Variants in PLG observed in about 807,000 individuals in gnomAD.
PLG encodes plasmin.
In PLG, 41 loss-of-function variants were observed where a neutral mutation model predicts 104.4. The ratio of observed to expected loss-of-function variants is 0.39; its 90% CI spans 0.31 to 0.51. The LOEUF (loss-of-function observed/expected upper bound fraction) is 0.51, where lower values mean the gene tolerates loss of function less well. Among genes scored for constraint, PLG ranks in the 20% least tolerant of loss-of-function variants. The probability of loss-of-function intolerance (pLI) is 0.76; values close to 1 mark genes in which losing one functional copy is unlikely to be tolerated. For synonymous variants in PLG, 337 were observed against 357.1 expected, an observed-to-expected ratio of 0.94 and a Z score of 0.63; for missense variants, 891 against 1,003.6, an observed-to-expected ratio of 0.89 and a Z score of 1.52.
At chr6:160,708,985 C>T (rs1777585192) in intron 3 of PLG, among the ~76,000 whole-genome samples, 2 of 151,736 alleles carry the variant, frequency 1.3e-5, no homozygotes, top group Admixed American at 1.3e-4. Context: ...AAAAAAAACC[C>T]TGATTCTCCT....
Position 160,707,785 on chromosome 6 carries a change from G to A in PLG, c.271G>A (p.Val91Ile). ...KSSIIIRMRD[V>I]VLFEKKVYLS... Reference sequence around the variant, plus strand: ...CTCCATAATCATTAGGATGAGAGATGTAGTTTTATTTGAAAAGAAAGGTGA... The same window carrying A: ...CTCCATAATCATTAGGATGAGAGATATAGTTTTATTTGAAAAGAAAGGTGA... Residue 91 changes from valine (V) to isoleucine (I), a missense_variant, in exon 3 of 19, where the codon GTA becomes ATA. Physicochemically the swap from Val to Ile is conservative, Grantham distance 29. This residue lies in a region of PLG where 854 missense variants were observed against 932.1 expected (regional missense o/e 0.92). Transcript: ENST00000308192. The A allele has an allele frequency of 6.2e-7, 1 of 1,611,378 alleles. No homozygotes were observed. Among genetic ancestry groups the A allele is most frequent in the Non-Finnish European group, 8.5e-7 (1 of 1,179,340 alleles).
intron 5 of PLG, 149 bp from the exon 6 acceptor site, chr6:160,714,643 CAA>C: frequency 2.5e-6 from 1 of 403,596 alleles, no homozygotes; most frequent in South Asian, 2.3e-5. Flanking sequence ...TCCTTATTGC[CAA>C]TTTTATTGCC....
chr6:160,736,735 A>G lies in PLG; in HGVS notation c.1682-152A>G. ...CTGTGTTGTCTACTACCACTTTTGA[A>G]ACTTAGAGAAAATGTTCCAAAAGAT... On this transcript the variant is annotated intron_variant, in intron 13 of 18. Coordinates refer to ENST00000308192, the MANE Select transcript of PLG (RefSeq NM_000301.5). This position sits in a 1 kb window ranked among gnomAD's most constrained non-coding sequence, Gnocchi z 5.2. 1.0e-6 allele frequency: 1 copy of G among 975,460 alleles called. No individual in the cohort carries two copies. The highest frequency in any genetic ancestry group is 2.1e-5 in the Admixed American group (1 of 48,474). The allele number at this position is 975,460 out of a possible 1,614,324, so 60.4% of individuals were successfully genotyped here. A position where few individuals can be genotyped will look rare whatever the true frequency, so the allele number is the denominator to read the frequency against.
In PLG at chr6:160,711,070, C is replaced by T. The variant is rs969996045; in HGVS notation, c.293-7C>T. 6.2e-7 allele frequency: 1 copy of T among 1,613,140 alleles called. No individual in the cohort carries two copies. The highest frequency in any genetic ancestry group is 1.7e-5 in the Admixed American group (1 of 59,996). On this transcript the variant is annotated splice_polypyrimidine_tract_variant and splice_region_variant and intron_variant, in intron 3 of 18. Transcript: ENST00000308192. ...AGACTTTGACCACTGTGTGGACTTCCCTTCAGTGTATCTCTCAGAGTGCAA... is the reference window on the plus strand; with the variant it reads ...AGACTTTGACCACTGTGTGGACTTCTCTTCAGTGTATCTCTCAGAGTGCAA...
At chr6:160,733,669 A>G (rs2046998689) in intron 12 of PLG, among the ~76,000 whole-genome samples, 1 of 151,742 alleles carries the variant, frequency 6.6e-6, no homozygotes, top group Non-Finnish European at 1.5e-5. Flanking sequence ...GTGAAACCTC[A>G]TCTCTACTGA....
intron 17 of PLG, among the ~76,000 whole-genome samples, chr6:160,743,217 A>G (rs960383729): frequency 1.3e-5 from 2 of 152,142 alleles, no homozygotes; most frequent in African/African-American, 2.4e-5. Flanking sequence ...GCAGTTTGAT[A>G]GGAATAGCAA....
rs1777672536 is a variant in PLG, at chr6:160,713,072, A to G, written c.494A>G (p.Tyr165Cys). Residue 165 changes from tyrosine (Y) to cysteine (C), a missense_variant, in exon 5 of 19, where the codon TAT (tyrosine) becomes TGT (cysteine). Transcript: ENST00000308192. ...PDNDPQGPWC[Y>C]TTDPEKRYDY... ...AACGATCCGCAGGGGCCCTGGTGCT[A>G]TACTACTGATCCAGAAAAGAGATAT... 6.2e-7 allele frequency: 1 copy of G among 1,609,030 alleles called. No homozygotes were observed. Among genetic ancestry groups the G allele is most frequent in the East Asian group, 2.2e-5 (1 of 44,876 alleles).
intron 2 of PLG, among the ~76,000 whole-genome samples, 176 bp from the exon 3 acceptor site, chr6:160,707,524 T>A (rs778190341): frequency 5.7e-4 from 87 of 152,194 alleles, no homozygotes; most frequent in Non-Finnish European, 1.2e-3. Flanking sequence ...CACGTTGGTG[T>A]ATTTTGTTCA....
rs1778141968 is a variant in PLG, at chr6:160,739,142, A to G, written c.1952A>G (p.Glu651Gly). 6.2e-7 allele frequency: 1 copy of G among 1,613,992 alleles called. No homozygotes were observed. Among genetic ancestry groups the G allele is most frequent in the African/African-American group, 1.3e-5 (1 of 74,886 alleles). ...GTGAATCTCGAACCGCATGTTCAGG[A>G]AATAGAAGTGTCTAGGCTGTTCTTG... The part of the protein sequence containing the change: ...QEVNLEPHVQ[E>G]IEVSRLFLEP... Residue 651 changes from glutamate to glycine, a missense_variant, in exon 16 of 19, where the codon GAA (glutamate) becomes GGA (glycine). This residue lies in a region of PLG where 854 missense variants were observed against 932.1 expected (regional missense o/e 0.92). Transcript: ENST00000308192. This position sits in a 1 kb window ranked among gnomAD's most constrained non-coding sequence, Gnocchi z 4.4.
chr6:160,748,348 AAGAG>A (rs1248061391), intron 17 of PLG, among the ~76,000 whole-genome samples: 4 of 63,006 alleles, frequency 6.3e-5, no homozygotes, highest in Admixed American at 4.7e-4. Context: ...GAAGAAAAGA[AAGAG>A]AAAGAAAGAA....
rs561318610 is a variant in PLG at position 160,754,029 on chromosome 6, G to A, written c.*968G>A. On this transcript the variant is annotated 3_prime_UTR_variant, in exon 19 of 19. Transcript: ENST00000308192. This position sits in a 1 kb window ranked among gnomAD's most constrained non-coding sequence, Gnocchi z 4.9. ...AAACTGCAAGTGACTGTGAATAAAG[G>A]GTGAATGTAGTCTCAAATCCTCAAA... Among the ~76,000 whole-genome samples the A allele has an allele frequency of 6.6e-6, 1 of 152,300 alleles. No homozygotes were observed. Among genetic ancestry groups the A allele is most frequent in the Admixed American group, 6.5e-5 (1 of 15,308 alleles).
At chr6:160,727,269 C>T (rs1777934659) in intron 10 of PLG, among the ~76,000 whole-genome samples, 1 of 151,316 alleles carries the variant, frequency 6.6e-6, no homozygotes, top group Non-Finnish European at 1.5e-5. Flanking sequence ...CTATTAAAGA[C>T]AACATGTGTA....
chr6:160,745,901 G>C (rs1778269108), intron 17 of PLG, among the ~76,000 whole-genome samples: 1 of 152,166 alleles, frequency 6.6e-6, no homozygotes. Flanking sequence ...AGCTTAGTTT[G>C]GCTGGATATG....
chr6:160,711,057 C>T lies in PLG; in HGVS notation c.293-20C>T, dbSNP rs373041225. 1 of 1,612,384 alleles carries T rather than the reference C, an allele frequency of 6.2e-7. No individual in the cohort carries two copies. Among genetic ancestry groups the T allele is most frequent in the Non-Finnish European group, 8.5e-7 (1 of 1,178,466 alleles). Reference sequence around the variant, plus strand: ...GGTGTCTTGTGAAAGACTTTGACCACTGTGTGGACTTCCCTTCAGTGTATC... The same window carrying T: ...GGTGTCTTGTGAAAGACTTTGACCATTGTGTGGACTTCCCTTCAGTGTATC... On this transcript the variant is annotated intron_variant, in intron 3 of 18. Coordinates refer to ENST00000308192, the MANE Select transcript of PLG (RefSeq NM_000301.5).
At chr6:160,722,321 G>T in intron 9 of PLG, 87 bp from the exon 10 acceptor site, 1 of 856,076 alleles carries the variant, frequency 1.2e-6, no homozygotes, top group South Asian at 1.3e-5. Context: ...ATTCTCAGAG[G>T]CTACCGTACT....
At position 160,716,771 on chromosome 6, in the gene PLG, T is replaced by C; in HGVS notation, c.787+8T>C. The C allele has an allele frequency of 1.2e-5, 17 of 1,475,268 alleles. No individual in the cohort carries two copies. Among genetic ancestry groups the C allele is most frequent in the Non-Finnish European group, 1.6e-5 (17 of 1,053,436 alleles). The allele number at this position is 1,475,268 out of a possible 1,614,324, so 91.4% of individuals were successfully genotyped here. On this transcript the variant is annotated splice_region_variant and intron_variant, in intron 7 of 18. Transcript: ENST00000308192. Reference sequence around the variant, plus strand: ...GTGACATCCCCCGCTGCAGTGAGTATGATGCACACCCAGATTCCAGGATTT... The same window carrying C: ...GTGACATCCCCCGCTGCAGTGAGTACGATGCACACCCAGATTCCAGGATTT...
rs1778148247 is a variant in PLG at position 160,739,408 on chromosome 6, C to T, written c.2018+200C>T. On this transcript the variant is annotated intron_variant, in intron 16 of 18. Coordinates refer to ENST00000308192, the MANE Select transcript of PLG (RefSeq NM_000301.5). The surrounding 1 kb of genome is among the most constrained non-coding windows in gnomAD (Gnocchi z 4.4). ...TGTGCTCTTGAGAAAGGCAGCAGGA[C>T]TCCGTTTTCTCATGTGGAAAAAGAG... is the stretch of plus-strand genomic sequence containing the variant. Among the ~76,000 whole-genome samples, 1 of 152,100 alleles carries T rather than the reference C, an allele frequency of 6.6e-6. No individual in the cohort carries two copies. The highest frequency in any genetic ancestry group is 1.9e-4 in the East Asian group (1 of 5,194).
intron 7 of PLG, among the ~76,000 whole-genome samples, chr6:160,717,040 C>A: frequency 6.6e-6 from 1 of 152,168 alleles, no homozygotes; most frequent in South Asian, 2.1e-4. Context: ...AGGTGTTGTT[C>A]ATCCTATTCT....
Position 160,741,208 on chromosome 6 carries a change from C to A in PLG, c.2019-103C>A. On this transcript the variant is annotated intron_variant, in intron 16 of 18. Coordinates refer to ENST00000308192, the MANE Select transcript of PLG (RefSeq NM_000301.5). This position sits in a 1 kb window ranked among gnomAD's most constrained non-coding sequence, Gnocchi z 4.7. ...TCTGTGTCAGTGAAGCAAGGCAGTG[C>A]CAGTTCAGAGGGCTCTGGGGCCTCA... The A allele has an allele frequency of 1.2e-6, 1 of 803,976 alleles. No homozygotes were observed. Among genetic ancestry groups the A allele is most frequent in the South Asian group, 1.4e-5 (1 of 73,074 alleles). The allele number at this position is 803,976 out of a possible 1,614,324, so 49.8% of individuals were successfully genotyped here.
Sources: gnomAD v4.1 joint callset for allele counts (sites outside exome capture counted in the v4.1 genomes callset) on GRCh38, gnomAD v4.1.1 for gene constraint, gnomAD v4.1.1 regional missense constraint, Gnocchi (gnomAD v3.1) non-coding constraint, MANE v1.5 for transcripts, NCBI Gene and HGNC (gene_info 2026-07-23, HGNC 2026-07-21) for gene names.